COLEC10: variants seen among roughly 807,000 people sequenced by gnomAD.
The protein encoded by COLEC10 is collectin subfamily member 10.
In COLEC10, 22 loss-of-function variants were observed where a neutral mutation model predicts 28.4. The observed-to-expected ratio is 0.78, with a 90% CI of 0.55 to 1.11. The LOEUF (loss-of-function observed/expected upper bound fraction) is 1.11, where lower values mean the gene tolerates loss of function less well. Ranked by LOEUF, COLEC10 falls within the 50% of genes least tolerant of loss-of-function variation. The pLI is 0.00. For synonymous variants in COLEC10, 125 were observed against 116.1 expected (o/e 1.08, Z -0.49); for missense variants, 361 against 344.1 (o/e 1.05, Z -0.39).
the COLEC10 span, among the ~76,000 whole-genome samples, chr8:118,976,099 T>G: frequency 6.6e-6 from 1 of 152,090 alleles, no homozygotes; most frequent in Non-Finnish European, 1.5e-5. Flanking sequence ...TCTAAGCCTT[T>G]CACTCCTTTA....
At chr8:118,973,238 A>G in the COLEC10 span, among the ~76,000 whole-genome samples, 1 of 151,990 alleles carries the variant, frequency 6.6e-6, no homozygotes, top group Non-Finnish European at 1.5e-5. Context: ...ATAATAGTTC[A>G]CCACAATATT....
intron 1 of COLEC10, among the ~76,000 whole-genome samples, chr8:119,003,977 T>G (rs1260265594): frequency 6.6e-6 from 1 of 151,980 alleles, no homozygotes; most frequent in Non-Finnish European, 1.5e-5. Context: ...GCAGACAACT[T>G]TTAAAGAGAA....
At chr8:119,023,903 C>A (rs1427163930) in intron 2 of COLEC10, among the ~76,000 whole-genome samples, 1 of 152,058 alleles carries the variant, frequency 6.6e-6, no homozygotes, top group African/African-American at 2.4e-5. Flanking sequence ...GCATGGTAGT[C>A]CTGTACACCA....
chr8:119,046,236 T>G (rs192363349), intron 2 of COLEC10, among the ~76,000 whole-genome samples: 1 of 151,532 alleles, frequency 6.6e-6, no homozygotes, highest in Admixed American at 6.6e-5. Context: ...CCATTTGTGA[T>G]CTTTTTTTTT....
Sources: gnomAD v4.1 joint callset for allele counts (sites outside exome capture counted in the v4.1 genomes callset) on GRCh38, gnomAD v4.1.1 for gene constraint, MANE v1.5 for transcripts, NCBI Gene and HGNC (gene_info 2026-07-23, HGNC 2026-07-21) for gene names.